AGFG2: variants seen among roughly 807,000 people sequenced by gnomAD.
The protein encoded by AGFG2 is arf-GAP domain and FG repeat-containing protein 2.
A neutral mutation model predicts 48.0 loss-of-function variants in AGFG2; 31 were observed. The observed-to-expected ratio is 0.65, with a 90% CI of 0.49 to 0.87. The LOEUF (loss-of-function observed/expected upper bound fraction) is 0.87. Ranked by LOEUF, AGFG2 falls within the 40% of genes least tolerant of loss-of-function variation. The pLI is 0.00. For missense variants in AGFG2, 599 were observed against 632.6 expected (o/e 0.95, Z 0.57); for synonymous variants, 229 against 260.8 (o/e 0.88, Z 1.18).
intron 1 of AGFG2, among the ~76,000 whole-genome samples, chr7:100,546,746 G>A (rs1163287034): frequency 6.6e-6 from 1 of 152,172 alleles, no homozygotes; most frequent in African/African-American, 2.4e-5. Context: ...AGTGGTTAAG[G>A]TGAGAAAGTC....
rs370191289 is a variant in AGFG2 at position 100,550,517 on chromosome 7, G to A, written c.431+6G>A. 13 of 1,590,344 alleles carry A rather than the reference G, an allele frequency of 8.2e-6. No individual in the cohort carries two copies. Among genetic ancestry groups the A allele is most frequent in the Non-Finnish European group, 9.5e-6 (11 of 1,159,024 alleles). On this transcript the variant is annotated splice_donor_region_variant and intron_variant, in intron 3 of 11. Coordinates refer to ENST00000300176, the MANE Select transcript of AGFG2 (RefSeq NM_006076.5). ...AAATATGAGAAGAAGAGATGGTAAGGAGTAGGAAAGAGGTTGCTATGGAAA... is the reference window on the plus strand; with the variant it reads ...AAATATGAGAAGAAGAGATGGTAAGAAGTAGGAAAGAGGTTGCTATGGAAA...
chr7:100,561,156 C>T (rs1436680144), intron 6 of AGFG2, among the ~76,000 whole-genome samples: 5 of 131,202 alleles, frequency 3.8e-5, no homozygotes, highest in African/African-American at 1.5e-4. Context: ...GACGGAGTTT[C>T]GCTCTTATTG....
chr7:100,564,051 A>G (rs1174347470), intron 10 of AGFG2, 89 bp downstream of exon 10: 1 of 1,574,156 alleles, frequency 6.4e-7, no homozygotes, highest in Non-Finnish European at 8.6e-7. Flanking sequence ...ATCAGAGCCC[A>G]TGCAGTGCCC....
chr7:100,554,084 T>C lies in AGFG2; in HGVS notation c.586-9T>C, dbSNP rs1800705199. 1 of 1,610,480 alleles carries C rather than the reference T, an allele frequency of 6.2e-7. No individual in the cohort carries two copies. On this transcript the variant is annotated splice_polypyrimidine_tract_variant and intron_variant, in intron 4 of 11. Coordinates refer to ENST00000300176, the MANE Select transcript of AGFG2 (RefSeq NM_006076.5). The stretch of plus-strand genomic sequence containing the variant: ...TTCTAAGGGCTGTATGCATTCCTTC[T>C]CCTCCAAGCCCGTCAGTCAGTCTCA...
In AGFG2 at chr7:100,568,128, T is replaced by C. The variant is rs1801055235; in HGVS notation, c.*3137T>C. The C allele has an allele frequency of 6.5e-6, 1 of 152,672 alleles. No homozygotes were observed. Among genetic ancestry groups the C allele is most frequent in the Non-Finnish European group, 1.5e-5 (1 of 68,074 alleles). The allele number at this position is 152,672 out of a possible 1,614,324, so 9.5% of individuals were successfully genotyped here. The stretch of plus-strand genomic sequence containing the variant: ...GGTGGTTTGGAGCTGGTCACTGTCA[T>C]AGCAGCTGTGATTTCACAAGGAAGG... On this transcript the variant is annotated 3_prime_UTR_variant, in exon 12 of 12. Coordinates refer to ENST00000300176, the MANE Select transcript of AGFG2 (RefSeq NM_006076.5).
chr7:100,540,964 A>G (rs988535742), intron 1 of AGFG2, among the ~76,000 whole-genome samples: 3 of 141,314 alleles, frequency 2.1e-5, no homozygotes, highest in African/African-American at 7.9e-5. Context: ...GTGAGCTGAG[A>G]TTGCGCCACT....
At chr7:100,564,099 C>T in intron 10 of AGFG2, 119 bp from the exon 11 acceptor site, 2 of 1,532,306 alleles carry the variant, frequency 1.3e-6, no homozygotes, top group African/African-American at 1.4e-5. Context: ...AGCACCAGAC[C>T]CGCCCGGGTA....
chr7:100,547,368 C>A (rs1414810115), intron 1 of AGFG2, among the ~76,000 whole-genome samples: 1 of 151,892 alleles, frequency 6.6e-6, no homozygotes, highest in Non-Finnish European at 1.5e-5. Context: ...CAGCCAGGAC[C>A]CTATTCTGGA....
chr7:100,559,440 A>G (rs1017300309), intron 6 of AGFG2, among the ~76,000 whole-genome samples: 2 of 151,826 alleles, frequency 1.3e-5, no homozygotes, highest in Non-Finnish European at 2.9e-5. Context: ...TCTGAGGGGG[A>G]GTATGGAGAG....
At chr7:100,557,689 C>T (rs1398983905) in intron 6 of AGFG2, among the ~76,000 whole-genome samples, 2 of 152,104 alleles carry the variant, frequency 1.3e-5, no homozygotes, top group Non-Finnish European at 2.9e-5. Context: ...CCTGCCTTGG[C>T]CTCCCAAAGT....
chr7:100,550,533 G>A (rs760595528), intron 3 of AGFG2, 22 bp downstream of exon 3: 1 of 1,566,004 alleles, frequency 6.4e-7, no homozygotes, highest in South Asian at 1.1e-5. Context: ...GAAAGAGGTT[G>A]CTATGGAAAC....
chr7:100,558,461 G>A (rs929409895), intron 6 of AGFG2, among the ~76,000 whole-genome samples: 1 of 151,984 alleles, frequency 6.6e-6, no homozygotes, highest in Non-Finnish European at 1.5e-5. Context: ...CCTATATAAA[G>A]TTGTTATAGA....
chr7:100,543,070 A>T (rs1011058862), intron 1 of AGFG2, among the ~76,000 whole-genome samples: 2 of 149,332 alleles, frequency 1.3e-5, no homozygotes, highest in African/African-American at 2.5e-5. Flanking sequence ...ATTATTATTA[A>T]TTTTTTTTTT....
intron 1 of AGFG2, 111 bp downstream of exon 1, chr7:100,539,678 G>T: frequency 2.2e-6 from 2 of 890,336 alleles, no homozygotes; most frequent in East Asian, 6.7e-5. Context: ...AGGGGCGGAG[G>T]GGAGGTCAGG....
intron 4 of AGFG2, among the ~76,000 whole-genome samples, 176 bp from the exon 5 acceptor site, chr7:100,553,917 G>A (rs1800701632): frequency 6.6e-6 from 1 of 152,186 alleles, no homozygotes; most frequent in East Asian, 1.9e-4. Flanking sequence ...AGATGAGGAT[G>A]ATATGAGCTC....
chr7:100,562,779 T>C lies in AGFG2; in HGVS notation c.1088-84T>C. ...TGGGAAGGGGAGAGATTGAGAGGAATGCTCAGGCATCACAGGATGAAGCAC... is the reference window on the plus strand; with the variant it reads ...TGGGAAGGGGAGAGATTGAGAGGAACGCTCAGGCATCACAGGATGAAGCAC... On this transcript the variant is annotated intron_variant, in intron 8 of 11. Transcript: ENST00000300176. This position sits in a 1 kb window ranked among gnomAD's most constrained non-coding sequence, Gnocchi z 5.4. The C allele has an allele frequency of 6.3e-7, 1 of 1,593,890 alleles. No individual in the cohort carries two copies. Among genetic ancestry groups the C allele is most frequent in the South Asian group, 1.1e-5 (1 of 89,726 alleles).
At chr7:100,546,097 GGCCCAAA>G (rs941237541) in intron 1 of AGFG2, among the ~76,000 whole-genome samples, 3 of 152,046 alleles carry the variant, frequency 2.0e-5, no homozygotes, top group African/African-American at 7.3e-5. Context: ...AGATTCATTT[GGCCCAAA>G]GCACCTAAAT....
intron 6 of AGFG2, among the ~76,000 whole-genome samples, chr7:100,559,338 G>A (rs558426181): frequency 1.6e-4 from 25 of 152,250 alleles, no homozygotes; most frequent in Admixed American, 1.1e-3. Flanking sequence ...AGGTGTTCCC[G>A]TGAGTGTGAC....
rs1166680394 is a variant in AGFG2, at chr7:100,555,263, G to GTTTTT, written c.752-323_752-319dup. Reference sequence around the variant, plus strand: ...TTTCTTTTTCTGTTGTGTGTGTGTGGTTTTTTTTTTTTTTTTTTTTTTTTT... The same window carrying GTTTTT: ...TTTCTTTTTCTGTTGTGTGTGTGTGGTTTTTTTTTTTTTTTTTTTTTTTTTTTTTT... On this transcript the variant is annotated intron_variant, in intron 5 of 11. Transcript: ENST00000300176. Among the ~76,000 whole-genome samples the GTTTTT allele has an allele frequency of 3.5e-4, 26 of 75,176 alleles. 1 individual carries two copies. The highest frequency in any genetic ancestry group is 1.2e-3 in the African/African-American group (19 of 16,466). The allele number at this position is 75,176 out of a possible 152,430, so 49.3% of individuals were successfully genotyped here. A position where few individuals can be genotyped will look rare whatever the true frequency, so the allele number is the denominator to read the frequency against.
Sources: gnomAD v4.1 joint callset for allele counts (sites outside exome capture counted in the v4.1 genomes callset) on GRCh38, gnomAD v4.1.1 for gene constraint, Gnocchi (gnomAD v3.1) non-coding constraint, MANE v1.5 for transcripts, NCBI Gene and HGNC (gene_info 2026-07-23, HGNC 2026-07-21) for gene names.